GLIS3: variants seen among roughly 807,000 people sequenced by gnomAD.
GLIS3 encodes the protein GLIS family zinc finger 3.
GLIS3 carries 53 observed loss-of-function variants against 78.6 expected under a neutral mutation model. That is an observed-to-expected ratio of 0.67 (90% CI 0.54 to 0.85). The LOEUF is 0.85. Among genes scored for constraint, GLIS3 ranks in the 40% least tolerant of loss-of-function variants. GLIS3 has a pLI of 0.00. For missense variants in GLIS3, 1,703 were observed against 1,231.1 expected (o/e 1.38, Z -5.74); for synonymous variants, 684 against 509.9 (o/e 1.34, Z -4.60).
At chr9:4,296,994 C>T (rs189798591) in intron 1 of GLIS3, among the ~76,000 whole-genome samples, 53 of 151,456 alleles carry the variant, frequency 3.5e-4, no homozygotes, top group South Asian at 8.4e-4. Flanking sequence ...TTCATCGTGG[C>T]GGATTCTTTT....
the GLIS3 span, among the ~76,000 whole-genome samples, chr9:4,453,208 T>C: frequency 1.3e-5 from 2 of 151,722 alleles, no homozygotes; most frequent in Non-Finnish European, 2.9e-5. Context: ...CCATAAAAAC[T>C]CTAGAAGAAA....
Position 4,059,829 on chromosome 9 carries a change from T to TGTGTGTGTGAGAGAGAGAGAGA in GLIS3, c.1710+57938_1710+57939insTCTCTCTCTCTCTCACACACAC. Among the ~76,000 whole-genome samples, 204 of 100,672 alleles carry TGTGTGTGTGAGAGAGAGAGAGA rather than the reference T, an allele frequency of 2.0e-3. 3 individuals carry two copies. The highest frequency in any genetic ancestry group is 6.0e-3 in the East Asian group (18 of 3,012). 66.0% of individuals were successfully genotyped at this position (100,672 alleles called of 152,430 possible). On this transcript the variant is annotated intron_variant, in intron 4 of 10. Transcript: ENST00000381971. ...TTGTGTGTGTGTGTGTGTGTGTGTG[T>TGTGTGTGTGAGAGAGAGAGAGA]GAGAGAGAGAGAGAGAGAGAGAGAG...
Position 4,130,877 on chromosome 9 carries a change from C to T in GLIS3, c.389-4936G>A, listed in dbSNP as rs986794071. On this transcript the variant is annotated intron_variant, in intron 2 of 10. Coordinates refer to ENST00000381971, the MANE Select transcript of GLIS3 (RefSeq NM_001042413.2). ...GTGCACTGTCAGCTTGCACCCTGCA[C>T]CTGGAAAAGCCACAGGTACTCAATG... Among the ~76,000 whole-genome samples the T allele has an allele frequency of 2.6e-5, 4 of 152,174 alleles. No individual in the cohort carries two copies. In the East Asian group the frequency reaches 7.7e-4, roughly 29 times the overall value.
chr9:4,093,461 G>A (rs1462591103), intron 4 of GLIS3, among the ~76,000 whole-genome samples: 1 of 152,168 alleles, frequency 6.6e-6, no homozygotes, highest in Non-Finnish European at 1.5e-5. Context: ...GTTGGCAGGG[G>A]CTATTCAGCC....
At chr9:4,349,569 C>T (rs988834340), upstream of GLIS3, among the ~76,000 whole-genome samples, 1 of 151,946 alleles carries the variant, frequency 6.6e-6, no homozygotes, top group Non-Finnish European at 1.5e-5. Flanking sequence ...AAATACCTAA[C>T]AAAACTTTGT....
At chr9:4,044,061 CG>C (rs1340482159) in intron 4 of GLIS3, among the ~76,000 whole-genome samples, 7 of 152,112 alleles carry the variant, frequency 4.6e-5, no homozygotes, top group African/African-American at 1.7e-4. Flanking sequence ...CAATAGGGTC[CG>C]GCACAGAAGA....
At chr9:4,188,095 C>A (rs1238759843) in intron 2 of GLIS3, among the ~76,000 whole-genome samples, 1 of 151,596 alleles carries the variant, frequency 6.6e-6, no homozygotes, top group East Asian at 1.9e-4. Context: ...GGGAATGCTT[C>A]CAGGTTTTGC....
Position 3,828,045 on chromosome 9 carries a change from TCCTGGTCACATAGTCCAGG to T in GLIS3, c.*208_*226del. The stretch of plus-strand genomic sequence containing the variant: ...TAAATTCCCTTTGAAAAGACAGTCC[TCCTGGTCACATAGTCCAGG>T]AAAACCAGAGAGAAAAAGGAGCAAC... On this transcript the variant is annotated 3_prime_UTR_variant, in exon 11 of 11. Transcript: ENST00000381971. The T allele has an allele frequency of 1.7e-6, 1 of 577,574 alleles. No homozygotes were observed. The highest frequency in any genetic ancestry group is 3.1e-6 in the Non-Finnish European group (1 of 324,714). 35.8% of individuals were successfully genotyped at this position (577,574 alleles called of 1,614,324 possible). A position where few individuals can be genotyped will look rare whatever the true frequency, so the allele number is the denominator to read the frequency against.
chr9:4,157,316 A>C (rs1485092879), intron 2 of GLIS3, among the ~76,000 whole-genome samples: 1 of 152,130 alleles, frequency 6.6e-6, no homozygotes, highest in East Asian at 1.9e-4. Context: ...ACTTACAGTG[A>C]ACACCAAAGC....
intron 9 of GLIS3, among the ~76,000 whole-genome samples, chr9:3,838,262 G>C (rs1818480393): frequency 6.6e-6 from 1 of 152,140 alleles, no homozygotes; most frequent in African/African-American, 2.4e-5. Context: ...GGAAATCTTA[G>C]TTACTTTAAT....
the GLIS3 span, among the ~76,000 whole-genome samples, chr9:4,371,485 G>T: frequency 6.6e-6 from 1 of 152,184 alleles, no homozygotes; most frequent in Non-Finnish European, 1.5e-5. Context: ...GAAGGTTGGA[G>T]TCTTGTTCAC....
At chr9:3,846,751 C>G (rs1819071519) in intron 9 of GLIS3, among the ~76,000 whole-genome samples, 1 of 152,208 alleles carries the variant, frequency 6.6e-6, no homozygotes, top group African/African-American at 2.4e-5. Context: ...AGCTGTGTCT[C>G]AGTATCCTCT....
At chr9:3,832,361 A>G (rs1056058879) in intron 9 of GLIS3, among the ~76,000 whole-genome samples, 3 of 152,202 alleles carry the variant, frequency 2.0e-5, no homozygotes, top group African/African-American at 7.2e-5. Flanking sequence ...ACAATAACCA[A>G]TGTAAGAAAG....
chr9:4,385,745 GAAA>G, the GLIS3 span, among the ~76,000 whole-genome samples: 2 of 31,352 alleles, frequency 6.4e-5, 1 homozygote, highest in Admixed American at 6.1e-4. Flanking sequence ...GAAAAAGAAA[GAAA>G]GAAAGAAAGA....
intron 4 of GLIS3, among the ~76,000 whole-genome samples, chr9:4,093,095 G>C (rs1440355196): frequency 6.6e-6 from 1 of 152,098 alleles, no homozygotes; most frequent in African/African-American, 2.4e-5. Context: ...TGTGGCACAT[G>C]CCTGCATGTA....
intron 4 of GLIS3, among the ~76,000 whole-genome samples, chr9:4,104,168 C>G (rs1189713727): frequency 2.0e-5 from 3 of 152,094 alleles, no homozygotes; most frequent in Non-Finnish European, 2.9e-5. Flanking sequence ...CTCATCTGAT[C>G]TCCAGATTCA....
chr9:4,393,129 T>C, the GLIS3 span, among the ~76,000 whole-genome samples: 536 of 152,304 alleles, frequency 3.5e-3, 1 homozygote, highest in African/African-American at 0.012. Flanking sequence ...TTTGCAATAA[T>C]AGTATAAGGA....
rs80161424 is a variant in GLIS3, at chr9:4,118,160, T to G, written c.1318A>C (p.Thr440Pro). 1 of 1,564,206 alleles carries G rather than the reference T, an allele frequency of 6.4e-7. No homozygotes were observed. The highest frequency in any genetic ancestry group is 2.3e-5 in the East Asian group (1 of 44,120). Reference sequence around the variant, plus strand: ...GGAGGCGCGGGGGGTAGGTCTACGGTGCTGCCCGGGAACTCCTCCAGGCGT... The same window carrying G: ...GGAGGCGCGGGGGGTAGGTCTACGGGGCTGCCCGGGAACTCCTCCAGGCGT... ...TERLEEFPGS[T>P]VDLPPAPPLP... The change falls in exon 4 of 11, where the codon ACC becomes CCC. Residue 440 changes from threonine (T) to proline (P), a missense_variant. Transcript: ENST00000381971. This position sits in a 1 kb window ranked among gnomAD's most constrained non-coding sequence, Gnocchi z 4.7.
intron 8 of GLIS3, among the ~76,000 whole-genome samples, chr9:3,866,295 C>T (rs770937562): frequency 6.6e-6 from 1 of 151,896 alleles, no homozygotes; most frequent in African/African-American, 2.4e-5. Context: ...TTTCAGGGAG[C>T]GAGAAGTCAA....
Sources: allele counts gnomAD v4.1 joint callset (sites outside exome capture counted in the v4.1 genomes callset), GRCh38; gene constraint gnomAD v4.1.1; non-coding constraint Gnocchi (gnomAD v3.1); transcripts MANE v1.5; gene names NCBI Gene and HGNC (gene_info 2026-07-23, HGNC 2026-07-21).